The following PKIB variants were observed in gnomAD, a reference collection of about 807,000 sequenced individuals.
PKIB encodes the protein cAMP-dependent protein kinase inhibitor beta, also known as PKI-beta.
Under a neutral mutation model 4.5 loss-of-function variants are expected in PKIB, and 2 were observed. The observed-to-expected ratio is 0.44, with a 90% CI of 0.18 to 1.39. The LOEUF (loss-of-function observed/expected upper bound fraction) is 1.39, where lower values mean the gene tolerates loss of function less well. Ranked by LOEUF, PKIB falls within the 40% of genes most tolerant of loss-of-function variation. The probability of loss-of-function intolerance (pLI) is 0.27; values close to 1 mark genes in which losing one functional copy is unlikely to be tolerated. For missense variants in PKIB, 94 were observed against 92.6 expected (o/e 1.02, Z -0.06); for synonymous variants, 38 against 36.0 (o/e 1.06, Z -0.20).
At chr6:122,544,932 C>T (rs1772445057) in intron 2 of PKIB, among the ~76,000 whole-genome samples, 1 of 152,022 alleles carries the variant, frequency 6.6e-6, no homozygotes, top group Non-Finnish European at 1.5e-5. Flanking sequence ...ATCAAAACCA[C>T]AATGAGATAC....
chr6:122,607,978 C>T (rs979276299), upstream of PKIB, among the ~76,000 whole-genome samples: 1 of 152,216 alleles, frequency 6.6e-6, no homozygotes, highest in South Asian at 2.1e-4. Flanking sequence ...CTCCTTTTTT[C>T]ATTCTGGTAT....
rs541553375 is a variant in PKIB, at chr6:122,547,412, T to A, written c.-247-38509T>A. On this transcript the variant is annotated intron_variant, in intron 2 of 6. Coordinates refer to the PKIB transcript ENST00000392491. ...GTGCAATGGCACGATCTCAGCTCAC[T>A]GCAACCTCCGCCTCCTGGATTCAAG... 3.9e-5 allele frequency among the ~76,000 whole-genome samples: 6 copies of A among 152,216 alleles called. No individual in the cohort carries two copies. In the South Asian group the frequency reaches 1.2e-3, roughly 32 times the overall value.
chr6:122,527,618 G>C (rs1777132309), intron 2 of PKIB, among the ~76,000 whole-genome samples: 2 of 152,076 alleles, frequency 1.3e-5, no homozygotes, highest in African/African-American at 4.8e-5. Flanking sequence ...CAGTTTCACT[G>C]TTTTATATGG....
In PKIB at chr6:122,638,603, G is replaced by C. The variant is rs1260045990; in HGVS notation, c.-76+5236G>C. 2.0e-5 allele frequency among the ~76,000 whole-genome samples: 3 copies of C among 152,194 alleles called. 1 individual carries two copies. Among genetic ancestry groups the C allele is most frequent in the Non-Finnish European group, 4.4e-5 (3 of 68,028 alleles). On this transcript the variant is annotated intron_variant, in intron 2 of 4. Transcript: ENST00000368452. The stretch of plus-strand genomic sequence containing the variant: ...TGTTTCAGGGCTCAAATTGCCCCAA[G>C]TTCTGCCTTCAGCCATTCATCTCTT...
chr6:122,535,570 T>G (rs979549116), intron 2 of PKIB, among the ~76,000 whole-genome samples: 2 of 152,200 alleles, frequency 1.3e-5, no homozygotes, highest in Non-Finnish European at 2.9e-5. Flanking sequence ...GCATGATGCC[T>G]TCTTCCTCTT....
At chr6:122,591,195 GACAC>G (rs553441395) in intron 3 of PKIB, among the ~76,000 whole-genome samples, 2 of 150,062 alleles carry the variant, frequency 1.3e-5, no homozygotes, top group African/African-American at 4.9e-5. Flanking sequence ...CCTATCTCTC[GACAC>G]ACACACACAC....
chr6:122,606,607 G>C (rs371465279), upstream of PKIB, among the ~76,000 whole-genome samples: 1 of 151,248 alleles, frequency 6.6e-6, no homozygotes, highest in Middle Eastern at 3.2e-3. Context: ...GACAAAAGAG[G>C]GTTCTCCCCT....
intron 1 of PKIB, among the ~76,000 whole-genome samples, chr6:122,624,528 G>A (rs937928994): frequency 3.3e-5 from 5 of 152,144 alleles, no homozygotes; most frequent in Non-Finnish European, 5.9e-5. Flanking sequence ...CTGCTTTTGA[G>A]TCAATTCTCC....
chr6:122,564,320 G>A (rs1300415331), intron 2 of PKIB, among the ~76,000 whole-genome samples: 1 of 152,136 alleles, frequency 6.6e-6, no homozygotes, highest in Non-Finnish European at 1.5e-5. Context: ...AAGCTGTTCT[G>A]TCCGGAGCTG....
chr6:122,630,622 A>G (rs1775656021), intron 1 of PKIB, among the ~76,000 whole-genome samples: 2 of 152,184 alleles, frequency 1.3e-5, no homozygotes, highest in African/African-American at 4.8e-5. Flanking sequence ...ATATGAATAT[A>G]ATGAGGAATA....
intron 3 of PKIB, among the ~76,000 whole-genome samples, chr6:122,694,997 T>C (rs911605862): frequency 1.3e-5 from 2 of 152,196 alleles, no homozygotes; most frequent in Non-Finnish European, 2.9e-5. Flanking sequence ...AGTAGAGGGT[T>C]CCTACGCTGC....
At chr6:122,479,283 C>A (rs781220636) in intron 2 of PKIB, 1 of 152,060 alleles carries the variant, frequency 6.6e-6, no homozygotes, top group East Asian at 1.9e-4. Flanking sequence ...GTCCCAGACA[C>A]ATTAAAGCAG....
At chr6:122,571,150 T>A (rs1773355039) in intron 2 of PKIB, among the ~76,000 whole-genome samples, 1 of 152,024 alleles carries the variant, frequency 6.6e-6, no homozygotes, top group Non-Finnish European at 1.5e-5. Flanking sequence ...GAATAAATAA[T>A]TTCAGAGCTT....
At chr6:122,592,858 T>C (rs1774059294) in intron 3 of PKIB, among the ~76,000 whole-genome samples, 1 of 152,180 alleles carries the variant, frequency 6.6e-6, no homozygotes, top group Non-Finnish European at 1.5e-5. Context: ...GATTTAGTAG[T>C]TCTGAGATGG....
At chr6:122,603,035 T>G (rs942573167) in intron 3 of PKIB, among the ~76,000 whole-genome samples, 1 of 151,836 alleles carries the variant, frequency 6.6e-6, no homozygotes, top group African/African-American at 2.4e-5. Flanking sequence ...GGCTAACTTT[T>G]AAGTCCAATT....
At chr6:122,562,391 T>G (rs1423299851) in intron 2 of PKIB, among the ~76,000 whole-genome samples, 1 of 152,202 alleles carries the variant, frequency 6.6e-6, no homozygotes, top group Non-Finnish European at 1.5e-5. Context: ...GTTAAGATTT[T>G]TTCCTTCGTC....
chr6:122,541,856 A>G (rs895316768), intron 2 of PKIB, among the ~76,000 whole-genome samples: 6 of 149,806 alleles, frequency 4.0e-5, no homozygotes, highest in African/African-American at 1.5e-4. Flanking sequence ...ACATAGTCCC[A>G]TATTTCTCGG....
chr6:122,629,690 G>T (rs1045043512), intron 1 of PKIB, among the ~76,000 whole-genome samples: 1 of 152,142 alleles, frequency 6.6e-6, no homozygotes, highest in African/African-American at 2.4e-5. Flanking sequence ...CCCTTGATAT[G>T]ATGTGATGAA....
chr6:122,646,605 T>A (rs1479292135), intron 2 of PKIB, among the ~76,000 whole-genome samples: 10 of 152,216 alleles, frequency 6.6e-5, no homozygotes, highest in African/African-American at 2.4e-4. Context: ...CAAGTACTAC[T>A]TTCGATAGAG....
Sources: gnomAD v4.1 joint callset for allele counts (sites outside exome capture counted in the v4.1 genomes callset) on GRCh38, gnomAD v4.1.1 for gene constraint, MANE v1.5 for transcripts, NCBI Gene and HGNC (gene_info 2026-07-23, HGNC 2026-07-21) for gene names.